Variants in NCK1 observed in about 807,000 individuals in gnomAD.
The protein encoded by NCK1 is SH2/SH3 adapter protein NCK1.
A neutral mutation model predicts 36.6 loss-of-function variants in NCK1; 19 were observed. That is an observed-to-expected ratio of 0.52 (90% CI 0.36 to 0.76). The LOEUF is 0.76. NCK1 is among the 30% of genes least tolerant of loss of function. The pLI, the probability that NCK1 is intolerant of heterozygous loss-of-function variation, is 0.00. For missense variants in NCK1, 358 were observed against 445.6 expected, an observed-to-expected ratio of 0.80 and a Z score of 1.77; for synonymous variants, 165 against 156.0, an observed-to-expected ratio of 1.06 and a Z score of -0.43.
intron 1 of NCK1, among the ~76,000 whole-genome samples, chr3:136,905,054 C>G (rs2108104796): frequency 6.7e-6 from 1 of 149,960 alleles, no homozygotes; most frequent in East Asian, 2.0e-4. Context: ...GCTCTGTTTC[C>G]CAGGCTAGAG....
Position 136,926,555 on chromosome 3 carries a change from A to AT in NCK1, c.-18-1428dup, listed in dbSNP as rs1459648989. ...CTCCTGAAGTGCTGGGATTACAGGCATGAGCCACCGCGCCCGGCCACTCTT... is the reference window on the plus strand; with the variant it reads ...CTCCTGAAGTGCTGGGATTACAGGCATTGAGCCACCGCGCCCGGCCACTCTT... On this transcript the variant is annotated intron_variant, in intron 1 of 3. Coordinates refer to ENST00000481752, the MANE Select transcript of NCK1 (RefSeq NM_001291999.2). Among the ~76,000 whole-genome samples, 12 of 151,992 alleles carry AT rather than the reference A, an allele frequency of 7.9e-5. No individual in the cohort carries two copies. The South Asian group carries it at 1.7e-3, about 21-fold the overall frequency.
At chr3:136,904,419 C>T (rs1056949759) in intron 1 of NCK1, among the ~76,000 whole-genome samples, 2 of 152,188 alleles carry the variant, frequency 1.3e-5, no homozygotes, top group African/African-American at 4.8e-5. Context: ...TCCCAAAGTG[C>T]TAGGATTACA....
intron 2 of NCK1, among the ~76,000 whole-genome samples, chr3:136,929,942 T>G (rs1940350206): frequency 6.6e-6 from 1 of 152,196 alleles, no homozygotes; most frequent in Non-Finnish European, 1.5e-5. Flanking sequence ...ATTGAGACAG[T>G]TTTATCAAGA....
At chr3:136,905,043 C>G (rs544877044) in intron 1 of NCK1, among the ~76,000 whole-genome samples, 1 of 144,048 alleles carries the variant, frequency 6.9e-6, no homozygotes, top group South Asian at 2.2e-4. Flanking sequence ...GATGGAGTCT[C>G]GCTCTGTTTC....
chr3:136,896,141 A>G (rs1056035736), intron 1 of NCK1, among the ~76,000 whole-genome samples: 2 of 152,172 alleles, frequency 1.3e-5, no homozygotes, highest in Non-Finnish European at 2.9e-5. Flanking sequence ...ATGTGTTGGG[A>G]ACATTTAAAG....
Position 136,928,283 on chromosome 3 carries a change from G to GCT in NCK1, c.226+56_226+57insCT, listed in dbSNP as rs1940298343. 4 of 1,465,914 alleles carry GCT rather than the reference G, an allele frequency of 2.7e-6. No individual in the cohort carries two copies. The East Asian group carries it at 9.5e-5, about 35-fold the overall frequency. The allele number at this position is 1,465,914 out of a possible 1,614,324, so 90.8% of individuals were successfully genotyped here. A position where few individuals can be genotyped will look rare whatever the true frequency, so the allele number is the denominator to read the frequency against. ...TGTTTTAAATGAAACCTGCAACTTA[G>GCT]TTCTTTGTACATAATTCTGGCAGCA... On this transcript the variant is annotated intron_variant, in intron 2 of 3. Transcript: ENST00000481752.
chr3:136,890,029 G>A (rs989456249), intron 1 of NCK1, among the ~76,000 whole-genome samples: 4 of 152,226 alleles, frequency 2.6e-5, no homozygotes, highest in Non-Finnish European at 4.4e-5. Context: ...TGGTCAATGG[G>A]ATTGGGCGCC....
chr3:136,873,822 G>A (rs1403061890), intron 1 of NCK1, among the ~76,000 whole-genome samples: 2 of 152,160 alleles, frequency 1.3e-5, no homozygotes, highest in Admixed American at 6.5e-5. Flanking sequence ...CTGCCGCCAC[G>A]TGAGACATGC....
chr3:136,880,989 G>T (rs1302374634), intron 1 of NCK1, among the ~76,000 whole-genome samples: 1 of 152,116 alleles, frequency 6.6e-6, no homozygotes, highest in Admixed American at 6.6e-5. Context: ...GTTCATTCCT[G>T]TCTTTCTCAT....
intron 1 of NCK1, among the ~76,000 whole-genome samples, chr3:136,913,437 G>A (rs73231949): frequency 2.6e-3 from 395 of 151,996 alleles, no homozygotes; most frequent in Admixed American, 4.1e-3. Flanking sequence ...CCTGCCTAAT[G>A]TTTTATTTTT....
At chr3:136,924,709 A>C (rs548232706) in intron 1 of NCK1, among the ~76,000 whole-genome samples, 1 of 152,206 alleles carries the variant, frequency 6.6e-6, no homozygotes, top group Non-Finnish European at 1.5e-5. Flanking sequence ...TAGAGGTTCT[A>C]TGTTTCACCA....
intron 1 of NCK1, among the ~76,000 whole-genome samples, chr3:136,903,125 G>A (rs1381317276): frequency 1.3e-5 from 2 of 152,178 alleles, no homozygotes; most frequent in Non-Finnish European, 2.9e-5. Flanking sequence ...ATATCTGGGT[G>A]CTACAGTGTT....
At chr3:136,927,853 T>A in intron 1 of NCK1, 131 bp from the exon 2 acceptor site, 1 of 686,090 alleles carries the variant, frequency 1.5e-6, no homozygotes, top group Non-Finnish European at 2.5e-6. Flanking sequence ...ACTATTTGCC[T>A]CATGTATTTT....
intron 1 of NCK1, chr3:136,899,717 A>C (rs907490644): frequency 1.2e-6 from 1 of 835,610 alleles, no homozygotes; most frequent in South Asian, 1.3e-5. Context: ...GAGGAGACTT[A>C]CTCACTGTTT....
At chr3:136,938,671 AG>A (rs1211262432) in intron 2 of NCK1, among the ~76,000 whole-genome samples, 51 of 152,364 alleles carry the variant, frequency 3.3e-4, no homozygotes, top group African/African-American at 1.1e-3. Context: ...AGCTTCATTT[AG>A]GCATGAGTTA....
At chr3:136,935,485 T>G (rs1189392988) in intron 2 of NCK1, among the ~76,000 whole-genome samples, 1 of 152,188 alleles carries the variant, frequency 6.6e-6, no homozygotes, top group East Asian at 1.9e-4. Flanking sequence ...AGCAGTGATG[T>G]CATGTGATTG....
At chr3:136,918,494 C>A (rs1940021593) in intron 1 of NCK1, among the ~76,000 whole-genome samples, 1 of 152,120 alleles carries the variant, frequency 6.6e-6, no homozygotes, top group African/African-American at 2.4e-5. Flanking sequence ...AGTACTAGGC[C>A]ATTTTCATAT....
intron 2 of NCK1, among the ~76,000 whole-genome samples, chr3:136,944,037 T>A (rs1236311893): frequency 1.3e-5 from 2 of 151,354 alleles, no homozygotes; most frequent in African/African-American, 2.4e-5. Flanking sequence ...TGTTAGAATG[T>A]TGGAGACAAA....
At chr3:136,933,103 C>T (rs1418421138) in intron 2 of NCK1, among the ~76,000 whole-genome samples, 1 of 152,194 alleles carries the variant, frequency 6.6e-6, no homozygotes, top group Non-Finnish European at 1.5e-5. Context: ...AGCCTGGCAG[C>T]AGCTTACATG....
Sources: gnomAD v4.1 joint callset for allele counts (sites outside exome capture counted in the v4.1 genomes callset) on GRCh38, gnomAD v4.1.1 for gene constraint, MANE v1.5 for transcripts, NCBI Gene and HGNC (gene_info 2026-07-23, HGNC 2026-07-21) for gene names.